Variants in CLINT1 observed in about 807,000 individuals in gnomAD.
The protein encoded by CLINT1 is clathrin interacting protein localized in the trans-Golgi region.
Under a neutral mutation model 70.4 loss-of-function variants are expected in CLINT1, and 15 were observed. That is an observed-to-expected ratio of 0.21 (90% CI 0.14 to 0.33). The LOEUF (loss-of-function observed/expected upper bound fraction) is 0.33. CLINT1 is among the 10% of genes least tolerant of loss of function. CLINT1 has a pLI of 1.00. For synonymous variants in CLINT1, 227 were observed against 254.7 expected (o/e 0.89, Z 1.04); for missense variants, 615 against 778.1 (o/e 0.79, Z 2.49).
chr5:157,790,178 G>A (rs1478579952), intron 10 of CLINT1: 2 of 160,970 alleles, frequency 1.2e-5, no homozygotes, highest in African/African-American at 4.8e-5. Flanking sequence ...TCCAGCCTGG[G>A]CGACAGAGCG....
chr5:157,844,258 T>C (rs1366121516), intron 1 of CLINT1, among the ~76,000 whole-genome samples: 2 of 152,294 alleles, frequency 1.3e-5, no homozygotes, highest in East Asian at 3.9e-4. Flanking sequence ...AAAGAAACAT[T>C]TATATCTCAA....
chr5:157,803,519 CAA>C (rs1330154556), intron 8 of CLINT1, 129 bp downstream of exon 8: 7 of 553,650 alleles, frequency 1.3e-5, no homozygotes, highest in African/African-American at 9.6e-5. Context: ...AAATAATGCT[CAA>C]GACTCACTAA....
intron 9 of CLINT1, 110 bp downstream of exon 9, chr5:157,794,788 A>C: frequency 2.6e-6 from 2 of 757,634 alleles, no homozygotes; most frequent in South Asian, 1.7e-5. Context: ...GGAATTATGA[A>C]TACTACAAGG....
chr5:157,811,529 C>CAA (rs202176248), intron 5 of CLINT1, among the ~76,000 whole-genome samples: 3 of 95,002 alleles, frequency 3.2e-5, no homozygotes, highest in Non-Finnish European at 6.6e-5. Flanking sequence ...CAAGAATCCT[C>CAA]AAAAAAAAAA....
At chr5:157,856,410 C>T (rs1458681542) in intron 1 of CLINT1, among the ~76,000 whole-genome samples, 1 of 152,140 alleles carries the variant, frequency 6.6e-6, no homozygotes, top group Non-Finnish European at 1.5e-5. Context: ...GAATATGAAC[C>T]AGATAGTTAA....
intron 1 of CLINT1, 49 bp downstream of exon 1, chr5:157,858,880 TC>T (rs751050371): frequency 4.4e-5 from 10 of 226,974 alleles, no homozygotes; most frequent in East Asian, 1.6e-4. Flanking sequence ...CTTCTCCCCC[TC>T]CCCCCTCCCC....
chr5:157,811,889 A>C (rs1304745777), intron 5 of CLINT1, among the ~76,000 whole-genome samples: 1 of 152,224 alleles, frequency 6.6e-6, no homozygotes, highest in Non-Finnish European at 1.5e-5. Flanking sequence ...TGGGTAAATA[A>C]TCCAAAAACT....
intron 4 of CLINT1, among the ~76,000 whole-genome samples, chr5:157,813,724 G>A (rs983508576): frequency 6.6e-6 from 1 of 152,148 alleles, no homozygotes; most frequent in Admixed American, 6.5e-5. Flanking sequence ...GCTTACAAGT[G>A]GGGTACGCTA....
chr5:157,823,098 A>G (rs1173818246), intron 1 of CLINT1, among the ~76,000 whole-genome samples: 7 of 152,102 alleles, frequency 4.6e-5, no homozygotes, highest in Admixed American at 4.6e-4. Context: ...TCAAGATTTC[A>G]CTCATCCTGA....
chr5:157,848,565 G>A (rs1296884086), intron 1 of CLINT1, among the ~76,000 whole-genome samples: 2 of 151,306 alleles, frequency 1.3e-5, no homozygotes, highest in African/African-American at 4.9e-5. Context: ...GTACAGTGGC[G>A]CTATTTCCGC....
intron 1 of CLINT1, among the ~76,000 whole-genome samples, chr5:157,850,455 C>CA (rs1233525751): frequency 3.3e-5 from 5 of 151,378 alleles, no homozygotes; most frequent in African/African-American, 1.2e-4. Context: ...CCTATCTCTA[C>CA]AAAAAATTAG....
intron 1 of CLINT1, among the ~76,000 whole-genome samples, chr5:157,846,347 G>GT (rs1212337680): frequency 4.6e-5 from 7 of 151,722 alleles, no homozygotes; most frequent in Admixed American, 1.3e-4. Flanking sequence ...TATGGAGAAA[G>GT]TTTGAGTGGT....
rs754323927 is a variant in CLINT1, at chr5:157,806,119, G to A, written c.696-7C>T. ...CTTTTCCTCATCGCTGTCGCTAAAA[G>A]ATATTAAAAATGAAGCAAAATAATA... is the stretch of plus-strand genomic sequence containing the variant. On this transcript the variant is annotated splice_polypyrimidine_tract_variant and splice_region_variant and intron_variant, in intron 6 of 11. Transcript: ENST00000411809. The A allele has an allele frequency of 1.2e-6, 2 of 1,611,884 alleles. No homozygotes were observed. Among genetic ancestry groups the A allele is most frequent in the Non-Finnish European group, 1.7e-6 (2 of 1,179,018 alleles).
Position 157,822,230 on chromosome 5 carries a change from CT to C in CLINT1, c.42-4684del, listed in dbSNP as rs541032249. On this transcript the variant is annotated intron_variant, in intron 1 of 11. Coordinates refer to ENST00000411809, the MANE Select transcript of CLINT1 (RefSeq NM_014666.4). ...TGATGGTCTTTTTTTTTTTTTTATA[CT>C]TTAAGTTCTAGGGTACATGTGCACA... Among the ~76,000 whole-genome samples, 256 of 147,844 alleles carry C rather than the reference CT, an allele frequency of 1.7e-3. 2 individuals are homozygous for C. Among genetic ancestry groups the C allele is most frequent in the Middle Eastern group, 6.9e-3 (2 of 288 alleles).
At chr5:157,807,274 A>G (rs1041924452) in intron 6 of CLINT1, among the ~76,000 whole-genome samples, 2 of 152,128 alleles carry the variant, frequency 1.3e-5, no homozygotes, top group East Asian at 3.8e-4. Context: ...AGGAACCTAC[A>G]AGTTCTGATA....
chr5:157,788,960 C>T (rs1761812261), intron 11 of CLINT1, among the ~76,000 whole-genome samples: 1 of 126,578 alleles, frequency 7.9e-6, no homozygotes, highest in Non-Finnish European at 1.6e-5. Flanking sequence ...GAGCAAGACT[C>T]CATCTCAGAA....
intron 1 of CLINT1, among the ~76,000 whole-genome samples, chr5:157,846,628 A>G (rs1489697819): frequency 1.3e-5 from 2 of 152,252 alleles, no homozygotes; most frequent in Admixed American, 6.5e-5. Context: ...TGGTTACACT[A>G]AACAGATTTT....
In CLINT1 at chr5:157,852,485, C is replaced by T. The variant is rs534618329; in HGVS notation, c.41+6445G>A. ...AAATAACCTAGTCTGACAATGATAT[C>T]TCTATTTTCACAAACACTGTATTCC... On this transcript the variant is annotated intron_variant, in intron 1 of 11. Transcript: ENST00000411809. 2.1e-3 allele frequency among the ~76,000 whole-genome samples: 315 copies of T among 152,266 alleles called. 2 individuals are homozygous for T. The highest frequency in any genetic ancestry group is 7.4e-3 in the African/African-American group (307 of 41,560).
intron 1 of CLINT1, among the ~76,000 whole-genome samples, chr5:157,841,793 C>G (rs1418935982): frequency 6.6e-6 from 1 of 151,942 alleles, no homozygotes; most frequent in African/African-American, 2.4e-5. Context: ...CTGTGAGCCT[C>G]GCTAATTTTA....
Sources: allele counts gnomAD v4.1 joint callset (sites outside exome capture counted in the v4.1 genomes callset), GRCh38; gene constraint gnomAD v4.1.1; transcripts MANE v1.5; gene names NCBI Gene and HGNC (gene_info 2026-07-23, HGNC 2026-07-21).